Variants in KHDRBS2 observed in about 807,000 individuals in gnomAD.
KHDRBS2 encodes KH domain-containing, RNA-binding, signal transduction-associated protein 2.
In KHDRBS2, 26 loss-of-function variants were observed where a neutral mutation model predicts 44.3. The observed-to-expected ratio is 0.59, with a 90% CI of 0.43 to 0.81. KHDRBS2 has a LOEUF of 0.81. KHDRBS2 is among the 40% of genes least tolerant of loss of function. The pLI, the probability that KHDRBS2 is intolerant of heterozygous loss-of-function variation, is 0.00. For missense variants in KHDRBS2, 476 were observed against 433.1 expected (o/e 1.10, Z -0.88); for synonymous variants, 194 against 151.1 (o/e 1.28, Z -2.08).
At chr6:61,724,271 G>A (rs1340981471) in intron 7 of KHDRBS2, among the ~76,000 whole-genome samples, 5 of 152,126 alleles carry the variant, frequency 3.3e-5, no homozygotes, top group African/African-American at 1.2e-4. Context: ...AATGTGGAGG[G>A]AATTTGTCAC....
chr6:62,205,015 C>T (rs1049937383), intron 1 of KHDRBS2, among the ~76,000 whole-genome samples: 9 of 152,042 alleles, frequency 5.9e-5, no homozygotes, highest in South Asian at 2.1e-4. Context: ...ATTAATATAA[C>T]GAAGATCATA....
chr6:61,686,643 C>A (rs1323882517), intron 8 of KHDRBS2, among the ~76,000 whole-genome samples: 1 of 151,536 alleles, frequency 6.6e-6, no homozygotes, highest in Non-Finnish European at 1.5e-5. Flanking sequence ...GCAAATATCA[C>A]AATTTTCCTA....
chr6:62,091,263 T>C (rs1799448417), intron 2 of KHDRBS2, among the ~76,000 whole-genome samples: 2 of 134,292 alleles, frequency 1.5e-5, no homozygotes, highest in African/African-American at 6.0e-5. Flanking sequence ...TAGCTGCTAA[T>C]ATAATTGTAC....
At chr6:62,093,525 T>C (rs990597911) in intron 2 of KHDRBS2, among the ~76,000 whole-genome samples, 2 of 151,978 alleles carry the variant, frequency 1.3e-5, no homozygotes, top group African/African-American at 4.8e-5. Context: ...TACTTTGAAA[T>C]ATACACTGTA....
intron 2 of KHDRBS2, among the ~76,000 whole-genome samples, chr6:62,076,953 G>A (rs1796462406): frequency 6.6e-6 from 1 of 151,750 alleles, no homozygotes; most frequent in Non-Finnish European, 1.5e-5. Context: ...GGCTGCGGTG[G>A]GAGAATCACA....
chr6:61,686,674 C>T (rs1371503819), intron 8 of KHDRBS2, among the ~76,000 whole-genome samples: 2 of 151,516 alleles, frequency 1.3e-5, no homozygotes, highest in Non-Finnish European at 3.0e-5. Context: ...GTTGACACTA[C>T]CTTCTTTTTA....
chr6:61,923,254 A>C (rs1230418705), intron 4 of KHDRBS2, among the ~76,000 whole-genome samples: 2 of 152,112 alleles, frequency 1.3e-5, no homozygotes. Flanking sequence ...AAAAATTAAA[A>C]AGAGAAGACA....
chr6:61,826,478 C>T (rs1369921058), intron 6 of KHDRBS2, among the ~76,000 whole-genome samples: 4 of 152,004 alleles, frequency 2.6e-5, no homozygotes, highest in Non-Finnish European at 2.9e-5. Context: ...ACATTGCCTC[C>T]TGCTTGCCCT....
intron 2 of KHDRBS2, among the ~76,000 whole-genome samples, chr6:62,068,753 A>G (rs1436432980): frequency 6.6e-6 from 1 of 151,596 alleles, no homozygotes; most frequent in African/African-American, 2.4e-5. Context: ...TGAAAACACT[A>G]TTCTTTACCT....
chr6:62,214,012 A>C (rs1829567418), intron 1 of KHDRBS2, among the ~76,000 whole-genome samples: 1 of 151,998 alleles, frequency 6.6e-6, no homozygotes, highest in Non-Finnish European at 1.5e-5. Context: ...TTAAGTATAA[A>C]ATTTATTTAG....
the KHDRBS2 span, among the ~76,000 whole-genome samples, chr6:61,664,818 G>T: frequency 6.6e-6 from 1 of 151,478 alleles, no homozygotes; most frequent in East Asian, 2.0e-4. Flanking sequence ...AAATATATTT[G>T]GTTAAATTGA....
At chr6:62,029,594 A>G (rs192259791) in intron 3 of KHDRBS2, among the ~76,000 whole-genome samples, 17 of 152,152 alleles carry the variant, frequency 1.1e-4, no homozygotes, top group Admixed American at 1.1e-3. Flanking sequence ...TAATAATCCA[A>G]GCATATTTAT....
At chr6:61,795,000 A>G (rs930378388) in intron 6 of KHDRBS2, among the ~76,000 whole-genome samples, 1 of 151,826 alleles carries the variant, frequency 6.6e-6, no homozygotes, top group African/African-American at 2.4e-5. Flanking sequence ...TTAGCTGGGC[A>G]TGGTGGTGGA....
chr6:61,713,215 C>A (rs2000400), intron 7 of KHDRBS2, among the ~76,000 whole-genome samples: 15 of 151,368 alleles, frequency 9.9e-5, no homozygotes, highest in Admixed American at 9.2e-4. Context: ...TGAACCTATA[C>A]TTTAATGTAC....
the KHDRBS2 span, among the ~76,000 whole-genome samples, chr6:61,560,915 T>C: frequency 6.6e-6 from 1 of 152,142 alleles, no homozygotes; most frequent in African/African-American, 2.4e-5. Context: ...TAGGTACCTA[T>C]TTTAGTCTTT....
intron 6 of KHDRBS2, among the ~76,000 whole-genome samples, chr6:61,773,433 A>G (rs28854925): frequency 0.63 from 95,161 of 149,900 alleles, 30,717 homozygotes; most frequent in African/African-American, 0.78. Flanking sequence ...GGCTGCATAA[A>G]TGTCTTCTTT....
chr6:61,746,688 AAATGGTATTTCTC>A (rs748581364), intron 6 of KHDRBS2, among the ~76,000 whole-genome samples: 6 of 152,142 alleles, frequency 3.9e-5, no homozygotes, highest in African/African-American at 4.8e-5. Context: ...TTGCTGGGTC[AAATGGTATTTCTC>A]AATGGTATTT....
chr6:62,193,791 T>G (rs1241172639), intron 1 of KHDRBS2, among the ~76,000 whole-genome samples: 1 of 152,120 alleles, frequency 6.6e-6, no homozygotes, highest in African/African-American at 2.4e-5. Context: ...GCAATGTTAT[T>G]TCATTGAGGA....
chr6:61,757,836 C>T (rs185711012), intron 6 of KHDRBS2, among the ~76,000 whole-genome samples: 2 of 152,258 alleles, frequency 1.3e-5, no homozygotes, highest in Admixed American at 1.3e-4. Context: ...ATATACTCTA[C>T]ACAATGTCCC....
Sources: allele counts gnomAD v4.1 joint callset (sites outside exome capture counted in the v4.1 genomes callset), GRCh38; gene constraint gnomAD v4.1.1; transcripts MANE v1.5; gene names NCBI Gene and HGNC (gene_info 2026-07-23, HGNC 2026-07-21).